CFAP410: variants seen among roughly 807,000 people sequenced by gnomAD.
CFAP410 encodes cilia- and flagella-associated protein 410.
In CFAP410, 27 loss-of-function variants were observed where a neutral mutation model predicts 25.7. The observed-to-expected ratio is 1.05, with a 90% CI of 0.77 to 1.45. The LOEUF (loss-of-function observed/expected upper bound fraction) is 1.45, where lower values mean the gene tolerates loss of function less well. Among genes scored for constraint, CFAP410 ranks in the 40% most tolerant of loss-of-function variants. CFAP410 has a pLI of 0.00. For missense variants in CFAP410, 428 were observed against 354.1 expected (o/e 1.21, Z -1.67); for synonymous variants, 178 against 158.4 (o/e 1.12, Z -0.93).
chr21:44,330,622 C>T (rs1044229727), intron 6 of CFAP410: 69 of 1,549,846 alleles, frequency 4.5e-5, no homozygotes, highest in Middle Eastern at 1.7e-4. Context: ...CGGCTCCGTG[C>T]GGGGCACGTG....
chr21:44,333,309 C>T, intron 3 of CFAP410, 47 bp from the exon 4 acceptor site: 1 of 1,477,488 alleles, frequency 6.8e-7, no homozygotes, highest in East Asian at 2.4e-5. Context: ...CCAGGGCCCC[C>T]AGGGCCACCT....
Position 44,330,889 on chromosome 21 carries a change from C to T in CFAP410, c.576G>A (p.Lys192=). The change falls in exon 6 of 7, where the codon AAG becomes AAA. Residue 192 remains lysine (K), a synonymous_variant. Coordinates refer to ENST00000339818, the MANE Select transcript of CFAP410 (RefSeq NM_004928.3). ...TSGAQDERGL[K]PPSRGQFPSL... ...AAGGAAACTGGCCCCGGGAAGGCGG[C>T]TTCAGGCCACGTTCATCCTGGGCGC... 1 of 1,602,624 alleles carries T rather than the reference C, an allele frequency of 6.2e-7. No individual in the cohort carries two copies. The highest frequency in any genetic ancestry group is 8.5e-7 in the Non-Finnish European group (1 of 1,173,138).
In CFAP410 at chr21:44,333,115, G is replaced by C. The variant is rs1331156986; in HGVS notation, c.291C>G (p.Asn97Lys). The C allele has an allele frequency of 1.2e-6, 2 of 1,610,998 alleles. No individual in the cohort carries two copies. Among genetic ancestry groups the C allele is most frequent in the East Asian group, 4.5e-5 (2 of 44,796 alleles). Residue 97 changes from asparagine to lysine, a missense_variant, in exon 4 of 7, where the codon AAC becomes AAG. Coordinates refer to ENST00000339818, the MANE Select transcript of CFAP410 (RefSeq NM_004928.3). ...GGTGGGGGCTGGTGCCGCAGCACGG[G>C]TTCTCGGCCAGCCACAGCACCCGCA... Reference protein sequence around the residue: ...PRLRVLWLAENPCCGTSPHRY... With the variant: ...PRLRVLWLAEKPCCGTSPHRY...
chr21:44,331,715 T>TC (rs2047650150), intron 5 of CFAP410, 128 bp downstream of exon 5: 2 of 843,068 alleles, frequency 2.4e-6, no homozygotes, highest in Non-Finnish European at 1.8e-6. Context: ...GAACAGACAC[T>TC]CCCCCCGGAT....
intron 6 of CFAP410, 63 bp downstream of exon 6, chr21:44,330,760 G>A (rs1043732237): frequency 1.5e-5 from 23 of 1,552,434 alleles, no homozygotes; most frequent in Middle Eastern, 3.3e-4. Flanking sequence ...CCCTCCCCAC[G>A]GTTTCTGTGC....
At chr21:44,335,932 C>T (rs909697991) in intron 2 of CFAP410, 128 bp from the exon 3 acceptor site, 6 of 710,060 alleles carry the variant, frequency 8.4e-6, no homozygotes, top group Non-Finnish European at 1.5e-5. Flanking sequence ...CACGGCCTTA[C>T]TCAGCCAGTG....
chr21:44,330,508 C>A, intron 6 of CFAP410, 182 bp from the exon 7 acceptor site: 1 of 1,546,182 alleles, frequency 6.5e-7, no homozygotes, highest in Non-Finnish European at 8.7e-7. Context: ...CCTGTGGACG[C>A]GTGTGTGGCA....
chr21:44,330,212 C>A lies in CFAP410; in HGVS notation c.757G>T (p.Glu253Ter). The A allele has an allele frequency of 6.4e-7, 1 of 1,574,028 alleles. No individual in the cohort carries two copies. Among genetic ancestry groups the A allele is most frequent in the South Asian group, 1.2e-5 (1 of 86,726 alleles). ...LQALRGEEVQEHAE is the reference protein window; with the variant it reads ...LQALRGEEVQ Reference sequence around the variant, plus strand: ...AGGTCCTGCGGTCACTCGGCGTGCTCCTGCACCTCTTCCCCACGCAGGGCC... The same window carrying A: ...AGGTCCTGCGGTCACTCGGCGTGCTACTGCACCTCTTCCCCACGCAGGGCC... The change falls in exon 7 of 7, where the codon GAG (glutamate) becomes TAG (stop). Residue 253 changes from glutamate to a stop codon, truncating the protein, a stop_gained. Coordinates refer to ENST00000339818, the MANE Select transcript of CFAP410 (RefSeq NM_004928.3). LOFTEE classifies it high-confidence loss of function.
Position 44,330,075 on chromosome 21 carries a change from C to T in CFAP410, c.*123G>A. ...CCACTCCTGCCCTCGGCCGATGTGGCAAACCGGGGAGGCTTTTGTGTGGGG... is the reference window on the plus strand; with the variant it reads ...CCACTCCTGCCCTCGGCCGATGTGGTAAACCGGGGAGGCTTTTGTGTGGGG... On this transcript the variant is annotated 3_prime_UTR_variant, in exon 7 of 7. Transcript: ENST00000339818. 1 of 1,195,694 alleles carries T rather than the reference C, an allele frequency of 8.4e-7. No individual in the cohort carries two copies. Among genetic ancestry groups the T allele is most frequent in the Non-Finnish European group, 1.2e-6 (1 of 863,468 alleles). The allele number at this position is 1,195,694 out of a possible 1,614,324, so 74.1% of individuals were successfully genotyped here.
chr21:44,332,113 T>A, intron 4 of CFAP410, 99 bp from the exon 5 acceptor site: 3 of 1,024,152 alleles, frequency 2.9e-6, no homozygotes, highest in Non-Finnish European at 2.8e-6. Flanking sequence ...AGGCACAGTC[T>A]GCTTGTGAAA....
Position 44,338,167 on chromosome 21 carries a change from T to TTGG in CFAP410, c.78-501_78-500insCCA, listed in dbSNP as rs1278696233. ...TATTGAAAGCAAATGACACGGGAAT[T>TTGG]GTAGCCAAAACACCAGATATGCCAG... On this transcript the variant is annotated intron_variant, in intron 1 of 6. Coordinates refer to ENST00000339818, the MANE Select transcript of CFAP410 (RefSeq NM_004928.3). The TTGG allele has an allele frequency of 9.0e-6, 7 of 773,756 alleles. No individual in the cohort carries two copies. In the East Asian group the frequency reaches 5.7e-4, roughly 63 times the overall value. 47.9% of individuals were successfully genotyped at this position (773,756 alleles called of 1,614,324 possible). A position where few individuals can be genotyped will look rare whatever the true frequency, so the allele number is the denominator to read the frequency against.
At chr21:44,334,075 C>T (rs1243456296) in intron 3 of CFAP410, 4 of 455,620 alleles carry the variant, frequency 8.8e-6, no homozygotes, top group South Asian at 4.6e-5. Context: ...AGCAAAACTC[C>T]GGCTGTGGGA....
In CFAP410 at chr21:44,330,893, A is replaced by G; in HGVS notation, c.572T>C (p.Leu191Pro). ...ATSGAQDERG[L>P]KPPSRGQFPS... is the part of the protein sequence containing the mutation. ...AAACTGGCCCCGGGAAGGCGGCTTC[A>G]GGCCACGTTCATCCTGGGCGCCGCT... is the stretch of plus-strand genomic sequence containing the variant. Residue 191 changes from leucine (L) to proline (P), a missense_variant, in exon 6 of 7, where the codon CTG (leucine) becomes CCG (proline). Coordinates refer to ENST00000339818, the MANE Select transcript of CFAP410 (RefSeq NM_004928.3). The G allele has an allele frequency of 6.2e-7, 1 of 1,601,974 alleles. No individual in the cohort carries two copies. The highest frequency in any genetic ancestry group is 8.5e-7 in the Non-Finnish European group (1 of 1,172,712).
At position 44,337,649 on chromosome 21, in the gene CFAP410, A is replaced by G; in HGVS notation, c.96T>C (p.Asp32=). The change falls in exon 2 of 7, where the codon GAT becomes GAC. Residue 32 remains aspartate (D), a splice_region_variant and synonymous_variant. Coordinates refer to ENST00000339818, the MANE Select transcript of CFAP410 (RefSeq NM_004928.3). ...CTTACATCTGTGAGGCAATACTTAC[A>G]TCTGTGAGGCGGCTGCCCCTGGGGA... ...KLNCWGSRLT[D]ISICQEMPSL... 4.3e-6 allele frequency: 7 copies of G among 1,613,036 alleles called. No individual in the cohort carries two copies. Among genetic ancestry groups the G allele is most frequent in the Non-Finnish European group, 5.9e-6 (7 of 1,179,186 alleles).
Position 44,334,519 on chromosome 21 carries a change from C to CCCCCCTCAACCTCTGGGCGGGCACCCGCA in CFAP410, c.143+1238_143+1239insTGCGGGTGCCCGCCCAGAGGTTGAGGGGG. ...TCAACCTCTGGGCGGGCACGCGCAC[C>CCCCCCTCAACCTCTGGGCGGGCACCCGCA]CCCCCCCCCCCCCCGCTCAACCTCT... is the stretch of plus-strand genomic sequence containing the variant. On this transcript the variant is annotated intron_variant, in intron 3 of 6. Coordinates refer to ENST00000339818, the MANE Select transcript of CFAP410 (RefSeq NM_004928.3). The CCCCCCTCAACCTCTGGGCGGGCACCCGCA allele has an allele frequency of 1.4e-5, 2 of 147,878 alleles. 1 individual carries two copies. The highest frequency in any genetic ancestry group is 2.7e-5 in the Non-Finnish European group (2 of 73,076). 9.2% of individuals were successfully genotyped at this position (147,878 alleles called of 1,614,324 possible).
chr21:44,338,664 G>T lies in CFAP410; in HGVS notation c.77+454C>A, dbSNP rs1005215822. ...CGGGGCAAAGGCGGGCCGGGAAATG[G>T]GGGGGGGCCCAGGCGACCCCGACCC... On this transcript the variant is annotated intron_variant, in intron 1 of 6. Transcript: ENST00000339818. 14 of 90,876 alleles carry T rather than the reference G, an allele frequency of 1.5e-4. 1 individual carries two copies. Among genetic ancestry groups the T allele is most frequent in the African/African-American group, 1.5e-3 (11 of 7,578 alleles). The allele number at this position is 90,876 out of a possible 1,614,324, so 5.6% of individuals were successfully genotyped here. A position where few individuals can be genotyped will look rare whatever the true frequency, so the allele number is the denominator to read the frequency against.
chr21:44,333,510 G>GC (rs1030696220), intron 3 of CFAP410: 1 of 579,208 alleles, frequency 1.7e-6, no homozygotes, highest in African/African-American at 1.9e-5. Flanking sequence ...TTGGCCCGAC[G>GC]CTCCACATCA....
At chr21:44,334,358 C>T (rs2047708519) in intron 3 of CFAP410, 1 of 433,508 alleles carries the variant, frequency 2.3e-6, no homozygotes, top group Admixed American at 2.5e-5. Context: ...CCGCCCCAAG[C>T]TTCCTGCCAC....
rs2047661243 is a variant in CFAP410, at chr21:44,332,084, C to G, written c.374-70G>C. 3.0e-6 allele frequency: 4 copies of G among 1,329,898 alleles called. No individual in the cohort carries two copies. In the East Asian group the frequency reaches 1.0e-4, roughly 33 times the overall value. 82.4% of individuals were successfully genotyped at this position (1,329,898 alleles called of 1,614,324 possible). On this transcript the variant is annotated intron_variant, in intron 4 of 6. Transcript: ENST00000339818. Reference sequence around the variant, plus strand: ...GTGCAGGCCACATGCACTGCAGCTCCCGTCCTCACTGTGGCTTCAGGCACA... The same window carrying G: ...GTGCAGGCCACATGCACTGCAGCTCGCGTCCTCACTGTGGCTTCAGGCACA...
Sources: allele counts gnomAD v4.1 joint callset, GRCh38; gene constraint gnomAD v4.1.1; transcripts MANE v1.5; gene names NCBI Gene and HGNC (gene_info 2026-07-23, HGNC 2026-07-21).